The following MCC variants were observed in gnomAD, a reference collection of about 807,000 sequenced individuals.
MCC encodes the protein colorectal mutant cancer protein.
In MCC, 90 loss-of-function variants were observed where a neutral mutation model predicts 116.2. The observed-to-expected ratio is 0.77, with a 90% CI of 0.65 to 0.92. The LOEUF (loss-of-function observed/expected upper bound fraction) is 0.92. Among genes scored for constraint, MCC ranks in the 40% least tolerant of loss-of-function variants. MCC has a pLI of 0.00. For synonymous variants in MCC, 578 were observed against 510.5 expected (o/e 1.13, Z -1.78); for missense variants, 1,516 against 1,312.2 (o/e 1.16, Z -2.40).
intron 2 of MCC, among the ~76,000 whole-genome samples, chr5:113,346,941 GA>G (rs781393596): frequency 0.02 from 2,671 of 131,490 alleles, 49 homozygotes; most frequent in African/African-American, 0.054. Context: ...AGTGCTGAAG[GA>G]AAAAAAAAAA....
rs150278291 is a variant in MCC, at chr5:113,409,100, G to A, written c.171-23888C>T. On this transcript the variant is annotated intron_variant, in intron 1 of 18. Coordinates refer to ENST00000408903, the MANE Select transcript of MCC (RefSeq NM_001085377.2). The stretch of plus-strand genomic sequence containing the variant: ...CTTTAGGCTGGAATAGAAGGACCAG[G>A]GGCCCTGAAGCAACACAGAGATCGA... 7.3e-4 allele frequency among the ~76,000 whole-genome samples: 111 copies of A among 152,266 alleles called. 1 individual carries two copies. The East Asian group carries it at 0.02, about 28-fold the overall frequency.
intron 11 of MCC, among the ~76,000 whole-genome samples, chr5:113,079,968 C>T (rs1754736237): frequency 6.6e-6 from 1 of 152,196 alleles, no homozygotes; most frequent in South Asian, 2.1e-4. Flanking sequence ...CAAAATCAAA[C>T]AACCCCATCA....
intron 3 of MCC, among the ~76,000 whole-genome samples, chr5:113,267,080 T>C (rs993286518): frequency 1.3e-5 from 2 of 152,200 alleles, no homozygotes; most frequent in Non-Finnish European, 2.9e-5. Flanking sequence ...GATTGCATTA[T>C]TAAACTATTT....
chr5:113,093,701 T>C (rs1309965364), intron 8 of MCC, among the ~76,000 whole-genome samples: 2 of 151,836 alleles, frequency 1.3e-5, no homozygotes, highest in Non-Finnish European at 2.9e-5. Context: ...CTTCAATCTC[T>C]GAGTACAATT....
At chr5:113,109,865 A>C (rs1490391300) in intron 6 of MCC, among the ~76,000 whole-genome samples, 1 of 152,196 alleles carries the variant, frequency 6.6e-6, no homozygotes, top group Non-Finnish European at 1.5e-5. Context: ...AAGGGGGAGT[A>C]ATGTACTCTT....
At chr5:113,124,455 T>G (rs576389041) in intron 5 of MCC, among the ~76,000 whole-genome samples, 5 of 152,226 alleles carry the variant, frequency 3.3e-5, no homozygotes, top group Non-Finnish European at 7.3e-5. Flanking sequence ...AGCCGAGACT[T>G]TTTTGCAGCC....
intron 3 of MCC, among the ~76,000 whole-genome samples, chr5:113,257,123 T>C (rs988759839): frequency 6.6e-6 from 1 of 152,164 alleles, no homozygotes; most frequent in Non-Finnish European, 1.5e-5. Context: ...GTTTGTGGTA[T>C]TGAAATTTGT....
At chr5:113,253,659 T>G (rs973500932) in intron 3 of MCC, among the ~76,000 whole-genome samples, 1 of 152,000 alleles carries the variant, frequency 6.6e-6, no homozygotes, top group Admixed American at 6.6e-5. Context: ...CAAGGATGAC[T>G]ACATATGAAG....
At chr5:113,364,802 A>G (rs147246084) in intron 2 of MCC, among the ~76,000 whole-genome samples, 1 of 152,308 alleles carries the variant, frequency 6.6e-6, no homozygotes, top group African/African-American at 2.4e-5. Context: ...ACCAAGGCAT[A>G]TGGCTTGCAC....
chr5:113,288,362 A>T (rs1766343938), intron 3 of MCC, among the ~76,000 whole-genome samples: 1 of 152,222 alleles, frequency 6.6e-6, no homozygotes, highest in South Asian at 2.1e-4. Flanking sequence ...GTATTGTAAC[A>T]TCAATCTCTG....
rs115188816 is a variant in MCC at position 113,210,773 on chromosome 5, G to A, written c.628-59351C>T. Among the ~76,000 whole-genome samples the A allele has an allele frequency of 6.0e-3, 918 of 152,174 alleles. 13 individuals carry two copies. The highest frequency in any genetic ancestry group is 0.021 in the African/African-American group (879 of 41,518). ...ATTTACTTTGAAAGAGTGTTGCATA[G>A]GCAACAGTATATGGCTGTCAGTTTT... On this transcript the variant is annotated intron_variant, in intron 3 of 18. Coordinates refer to ENST00000408903, the MANE Select transcript of MCC (RefSeq NM_001085377.2).
chr5:113,488,210 C>G (rs1253759548), intron 1 of MCC, 35 bp downstream of exon 1: 1 of 1,579,052 alleles, frequency 6.3e-7, no homozygotes, highest in Non-Finnish European at 8.6e-7. Flanking sequence ...GGACTGATCT[C>G]GCTCCTGTCG....
intron 3 of MCC, among the ~76,000 whole-genome samples, chr5:113,217,813 G>A (rs1004796420): frequency 6.6e-6 from 1 of 151,408 alleles, no homozygotes; most frequent in Non-Finnish European, 1.5e-5. Flanking sequence ...TCATGAAAAT[G>A]CTGTCCTATC....
chr5:113,421,165 C>CTTG lies in MCC; in HGVS notation c.171-35954_171-35953insCAA, dbSNP rs1338253928. ...CAGCCTCCTCAAGTAGCTGAGACTACAGGCACGCGCCACCATGCCCAGCTA... is the reference window on the plus strand; with the variant it reads ...CAGCCTCCTCAAGTAGCTGAGACTACTTGAGGCACGCGCCACCATGCCCAGCTA... On this transcript the variant is annotated intron_variant, in intron 1 of 18. Coordinates refer to ENST00000408903, the MANE Select transcript of MCC (RefSeq NM_001085377.2). 2.0e-5 allele frequency among the ~76,000 whole-genome samples: 3 copies of CTTG among 152,014 alleles called. No individual in the cohort carries two copies. In the East Asian group the frequency reaches 5.8e-4, roughly 29 times the overall value.
intron 1 of MCC, among the ~76,000 whole-genome samples, chr5:113,456,626 T>TTTTTTTC (rs1771557245): frequency 8.4e-6 from 1 of 119,380 alleles, no homozygotes; most frequent in African/African-American, 3.8e-5. Context: ...CCAGCTAATT[T>TTTTTTTC]TTTTTTTTTT....
At chr5:113,445,737 A>G (rs977264782) in intron 1 of MCC, among the ~76,000 whole-genome samples, 4 of 152,104 alleles carry the variant, frequency 2.6e-5, no homozygotes, top group African/African-American at 9.7e-5. Flanking sequence ...TCACAGAATT[A>G]GAAAAAAACT....
chr5:113,063,960 C>A (rs1300513206), intron 14 of MCC, 24 bp downstream of exon 14: 2 of 1,600,696 alleles, frequency 1.2e-6, no homozygotes, highest in African/African-American at 1.3e-5. Context: ...CACGCCCACC[C>A]CAGAGCAGAA....
chr5:113,471,162 C>G (rs369656981), intron 1 of MCC, among the ~76,000 whole-genome samples: 2 of 152,078 alleles, frequency 1.3e-5, no homozygotes, highest in Admixed American at 1.3e-4. Flanking sequence ...TCGTCTGAAG[C>G]CTTCTCTCAA....
At chr5:113,137,809 G>A (rs878932976) in intron 5 of MCC, among the ~76,000 whole-genome samples, 3 of 152,122 alleles carry the variant, frequency 2.0e-5, no homozygotes, top group South Asian at 4.2e-4. Context: ...TTGCTAGTTC[G>A]GAGCATTTAC....
Sources: allele counts gnomAD v4.1 joint callset (sites outside exome capture counted in the v4.1 genomes callset), GRCh38; gene constraint gnomAD v4.1.1; transcripts MANE v1.5; gene names NCBI Gene and HGNC (gene_info 2026-07-23, HGNC 2026-07-21).